The following RANBP2 variants were observed in gnomAD, a reference collection of about 807,000 sequenced individuals.
RANBP2 encodes the protein RAN binding protein 2.
A neutral mutation model predicts 303.6 loss-of-function variants in RANBP2; 57 were observed. The ratio of observed to expected loss-of-function variants is 0.19; its 90% CI spans 0.15 to 0.23. RANBP2 has a LOEUF of 0.23. Among genes scored for constraint, RANBP2 ranks in the 10% least tolerant of loss-of-function variants. RANBP2 has a pLI of 1.00. For missense variants in RANBP2, 3,138 were observed against 3,780.8 expected, an observed-to-expected ratio of 0.83 and a Z score of 4.46; for synonymous variants, 1,167 against 1,301.5, an observed-to-expected ratio of 0.90 and a Z score of 2.23.
At chr2:109,203,971 G>A in the RANBP2 span, among the ~76,000 whole-genome samples, 9 of 152,210 alleles carry the variant, frequency 5.9e-5, no homozygotes, top group Non-Finnish European at 1.2e-4. Context: ...GTGCTCCAGT[G>A]TGAAGCATTT....
chr2:109,298,259 T>C, the RANBP2 span, among the ~76,000 whole-genome samples: 1 of 152,102 alleles, frequency 6.6e-6, no homozygotes, highest in Non-Finnish European at 1.5e-5. Context: ...ATCTCAGCTA[T>C]GTCCCCGAGG....
At chr2:108,908,798 A>G in the RANBP2 span, among the ~76,000 whole-genome samples, 1 of 152,220 alleles carries the variant, frequency 6.6e-6, no homozygotes, top group South Asian at 2.1e-4. Context: ...TTTCTTAAAA[A>G]AAGGATTATA....
the RANBP2 span, among the ~76,000 whole-genome samples, chr2:109,258,340 G>A: frequency 4.1e-3 from 624 of 152,278 alleles, no homozygotes; most frequent in Non-Finnish European, 7.1e-3. Context: ...TCTAAAGAGC[G>A]AGAAACTGCA....
chr2:109,168,655 T>C, the RANBP2 span, among the ~76,000 whole-genome samples: 1 of 107,332 alleles, frequency 9.3e-6, no homozygotes, highest in African/African-American at 3.4e-5. Context: ...TGGCAGCTGC[T>C]CAAACTGAAA....
At chr2:108,719,763 C>A in intron 1 of RANBP2, 85 bp downstream of exon 1, 1 of 1,540,460 alleles carries the variant, frequency 6.5e-7, no homozygotes, top group Non-Finnish European at 8.8e-7. Flanking sequence ...TCCCGACGGG[C>A]GCTGCTCCCT....
chr2:108,963,965 C>T, the RANBP2 span, among the ~76,000 whole-genome samples: 119 of 152,318 alleles, frequency 7.8e-4, 1 homozygote, highest in Non-Finnish European at 1.3e-3. Context: ...GGACCATTTT[C>T]CTCAACCATC....
the RANBP2 span, among the ~76,000 whole-genome samples, chr2:108,860,935 C>CTTTTTTGTTTTTTTTTTT: frequency 7.9e-5 from 3 of 37,914 alleles, 1 homozygote; most frequent in Admixed American, 1.0e-3. Context: ...TGGTCCAGGA[C>CTTTTTTGTTTTTTTTTTT]TTTTTTTTTT....
the RANBP2 span, among the ~76,000 whole-genome samples, chr2:109,678,978 G>A: frequency 6.6e-6 from 1 of 152,214 alleles, no homozygotes; most frequent in Non-Finnish European, 1.5e-5. Flanking sequence ...CTGGGAAGCC[G>A]GCAGTAGCTG....
the RANBP2 span, among the ~76,000 whole-genome samples, chr2:109,271,622 C>T: frequency 6.6e-6 from 1 of 152,222 alleles, no homozygotes; most frequent in Non-Finnish European, 1.5e-5. Context: ...TGGGGTGAGG[C>T]CCCGTGTGGT....
the RANBP2 span, among the ~76,000 whole-genome samples, chr2:109,325,823 G>C: frequency 6.6e-6 from 1 of 152,206 alleles, no homozygotes; most frequent in Non-Finnish European, 1.5e-5. Context: ...AAAGATGCTG[G>C]CCCGAGCAGG....
chr2:108,999,418 T>G, the RANBP2 span, among the ~76,000 whole-genome samples: 3 of 152,232 alleles, frequency 2.0e-5, no homozygotes, highest in Non-Finnish European at 4.4e-5. Flanking sequence ...ACACAGCAGC[T>G]CAGAACTAAA....
the RANBP2 span, among the ~76,000 whole-genome samples, chr2:109,537,472 T>C: frequency 6.6e-6 from 1 of 152,242 alleles, no homozygotes; most frequent in Non-Finnish European, 1.5e-5. Context: ...TTTGCATTTC[T>C]GATGAGTGAG....
chr2:109,684,380 A>G, the RANBP2 span, among the ~76,000 whole-genome samples: 1 of 150,814 alleles, frequency 6.6e-6, no homozygotes, highest in Non-Finnish European at 1.5e-5. Flanking sequence ...AGTTGGGATT[A>G]CAGGCATGTG....
At chr2:109,710,400 T>C in the RANBP2 span, among the ~76,000 whole-genome samples, 1 of 149,086 alleles carries the variant, frequency 6.7e-6, no homozygotes, top group South Asian at 2.1e-4. Flanking sequence ...AAAAAAGTGA[T>C]TTACTCTATC....
chr2:109,694,973 T>A, the RANBP2 span, among the ~76,000 whole-genome samples: 1 of 152,140 alleles, frequency 6.6e-6, no homozygotes, highest in Non-Finnish European at 1.5e-5. Flanking sequence ...CTGTTCCACC[T>A]CTTTCCCAGT....
the RANBP2 span, among the ~76,000 whole-genome samples, chr2:109,057,819 G>A: frequency 6.6e-6 from 1 of 152,170 alleles, no homozygotes; most frequent in Non-Finnish European, 1.5e-5. Flanking sequence ...AGCTTGCGGT[G>A]GTTACTCATC....
At chr2:109,467,023 G>A in the RANBP2 span, among the ~76,000 whole-genome samples, 1 of 152,214 alleles carries the variant, frequency 6.6e-6, no homozygotes, top group Non-Finnish European at 1.5e-5. Context: ...TAAAGGGTTA[G>A]GCTGAGAACC....
chr2:108,731,051 C>G (rs1480936982), intron 3 of RANBP2, among the ~76,000 whole-genome samples, 166 bp downstream of exon 3: 3 of 152,068 alleles, frequency 2.0e-5, no homozygotes, highest in African/African-American at 7.2e-5. Flanking sequence ...TTGTTTAACA[C>G]CTATAAATTG....
At chr2:108,720,910 G>A (rs919783349) in intron 1 of RANBP2, among the ~76,000 whole-genome samples, 1 of 152,128 alleles carries the variant, frequency 6.6e-6, no homozygotes, top group African/African-American at 2.4e-5. Context: ...TTAGCCGGGC[G>A]TGGTGGCGCA....
Sources: allele counts gnomAD v4.1 joint callset (sites outside exome capture counted in the v4.1 genomes callset), GRCh38; gene constraint gnomAD v4.1.1; transcripts MANE v1.5; gene names NCBI Gene and HGNC (gene_info 2026-07-23, HGNC 2026-07-21).